The following ZNF683 variants were observed in gnomAD, a reference collection of about 807,000 sequenced individuals.
The protein encoded by ZNF683 is tissue-resident T-cell transcription regulator protein ZNF683.
Under a neutral mutation model 31.4 loss-of-function variants are expected in ZNF683, and 20 were observed. That is an observed-to-expected ratio of 0.64 (90% CI 0.45 to 0.93). The LOEUF (loss-of-function observed/expected upper bound fraction) is 0.93. ZNF683 is among the 40% of genes least tolerant of loss of function. The pLI is 0.00. For synonymous variants in ZNF683, 264 were observed against 267.6 expected (o/e 0.99, Z 0.13); for missense variants, 621 against 637.2 (o/e 0.97, Z 0.27).
intron 3 of ZNF683, among the ~76,000 whole-genome samples, chr1:26,366,583 C>G (rs1350632325): frequency 6.6e-6 from 1 of 152,044 alleles, no homozygotes; most frequent in Non-Finnish European, 1.5e-5. Flanking sequence ...GAAACCAGAC[C>G]TTGGTGTTGT....
Position 26,368,735 on chromosome 1 carries a change from G to T in ZNF683, c.-14-150C>A. On this transcript the variant is annotated intron_variant, in intron 1 of 5. Transcript: ENST00000349618. ...AGTTTCCCTATCCGCAAAATGGGAA[G>T]GTTGGTCTAGTTGATGCGTAAGGAT... 4.7e-6 allele frequency: 4 copies of T among 853,052 alleles called. 1 individual carries two copies. In the South Asian group the frequency reaches 9.3e-5, roughly 20 times the overall value. The allele number at this position is 853,052 out of a possible 1,614,324, so 52.8% of individuals were successfully genotyped here.
intron 1 of ZNF683, among the ~76,000 whole-genome samples, chr1:26,372,166 T>C (rs548497536): frequency 6.6e-5 from 10 of 152,292 alleles, no homozygotes; most frequent in African/African-American, 1.9e-4. Flanking sequence ...TCCCAGAATA[T>C]ACAGGGACAT....
In ZNF683 at chr1:26,367,604, G is replaced by A. The variant is rs939691287; in HGVS notation, c.308C>T (p.Ala103Val). Residue 103 changes from alanine to valine, a missense_variant, in exon 3 of 6, where the codon GCC (alanine) becomes GTC (valine). Coordinates refer to ENST00000349618, the MANE Select transcript of ZNF683 (RefSeq NM_001114759.3). ...GTDLQGLQED[A>V]LSMKHEPPGL... Reference sequence around the variant, plus strand: ...TGCCCTGGGCTTACTCATGCTCAAGGCGTCCTCTTGGAGGCCCTGCAGGTC... The same window carrying A: ...TGCCCTGGGCTTACTCATGCTCAAGACGTCCTCTTGGAGGCCCTGCAGGTC... 1.9e-6 allele frequency: 3 copies of A among 1,604,460 alleles called. No individual in the cohort carries two copies. Among genetic ancestry groups the A allele is most frequent in the African/African-American group, 1.3e-5 (1 of 74,676 alleles).
chr1:26,374,210 T>A (rs1012355515), upstream of ZNF683: 10 of 1,296,894 alleles, frequency 7.7e-6, no homozygotes, highest in East Asian at 5.0e-4. Context: ...GCTGTCTTGC[T>A]GGGAATCACA....
intron 1 of ZNF683, 162 bp downstream of exon 1, chr1:26,372,507 C>A (rs1392469563): frequency 7.7e-7 from 1 of 1,304,702 alleles, no homozygotes; most frequent in Non-Finnish European, 1.0e-6. Flanking sequence ...GATCAGATGT[C>A]CCCACCCAGA....
intron 3 of ZNF683, among the ~76,000 whole-genome samples, chr1:26,366,297 AG>A (rs1422239702): frequency 7.2e-6 from 1 of 137,980 alleles, no homozygotes; most frequent in African/African-American, 2.7e-5. Flanking sequence ...CAGGAGTTGG[AG>A]GCTGCAGTGA....
intron 3 of ZNF683, 111 bp from the exon 4 acceptor site, chr1:26,365,337 C>T (rs1227520634): frequency 2.6e-6 from 3 of 1,150,910 alleles, no homozygotes; most frequent in Non-Finnish European, 2.4e-6. Context: ...TGCGAGCCTG[C>T]TAGCATTTCT....
intron 4 of ZNF683, among the ~76,000 whole-genome samples, chr1:26,363,738 A>G (rs7544526): frequency 0.064 from 57 of 892 alleles, 4 homozygotes; most frequent in East Asian, 0.19. Flanking sequence ...CTCCATATGG[A>G]AAAAAAAAAA....
At position 26,365,174 on chromosome 1, in the gene ZNF683, T is replaced by A. The variant is rs149941490; in HGVS notation, c.372A>T (p.Thr124=). 66 of 1,610,378 alleles carry A rather than the reference T, an allele frequency of 4.1e-5. No homozygotes were observed. In the African/African-American group the frequency reaches 7.9e-4, roughly 19 times the overall value. The change falls in exon 4 of 6, where the codon ACA becomes ACT. Residue 124 remains threonine, a synonymous_variant. Coordinates refer to ENST00000349618, the MANE Select transcript of ZNF683 (RefSeq NM_001114759.3). ...QASSTDDKKF[T]VKYPQNKDKL... ...TGTCCTTGTTCTGTGGGTACTTGACTGTGAATTTCTTGTCATCGGTGGAGC... is the reference window on the plus strand; with the variant it reads ...TGTCCTTGTTCTGTGGGTACTTGACAGTGAATTTCTTGTCATCGGTGGAGC...
chr1:26,367,074 G>C (rs1221022415), intron 3 of ZNF683, among the ~76,000 whole-genome samples: 1 of 152,154 alleles, frequency 6.6e-6, no homozygotes. Flanking sequence ...AGACCAGCCT[G>C]GCCAACATGG....
At position 26,367,857 on chromosome 1, in the gene ZNF683, A is replaced by G. The variant is rs2074568255; in HGVS notation, c.115-60T>C. On this transcript the variant is annotated intron_variant, in intron 2 of 5. Transcript: ENST00000349618. ...GACTGGGACTCCATGGGTCCCTTAGATGGCCCCTACCCCTATTTTGTTTTC... is the reference window on the plus strand; with the variant it reads ...GACTGGGACTCCATGGGTCCCTTAGGTGGCCCCTACCCCTATTTTGTTTTC... 3.7e-6 allele frequency: 5 copies of G among 1,360,250 alleles called. No individual in the cohort carries two copies. In the Admixed American group the frequency reaches 8.0e-5, roughly 22 times the overall value. The allele number at this position is 1,360,250 out of a possible 1,614,324, so 84.3% of individuals were successfully genotyped here. A position where few individuals can be genotyped will look rare whatever the true frequency, so the allele number is the denominator to read the frequency against.
At chr1:26,372,429 GA>G (rs2074690413) in intron 1 of ZNF683, 1 of 1,271,100 alleles carries the variant, frequency 7.9e-7, no homozygotes. Context: ...TATAAAAGCC[GA>G]AATGGCCAAA....
In ZNF683 at chr1:26,365,175, G is replaced by A. The variant is rs1439526124; in HGVS notation, c.371C>T (p.Thr124Ile). Residue 124 changes from threonine to isoleucine, a missense_variant, in exon 4 of 6, where the codon ACA (threonine) becomes ATA (isoleucine). Physicochemically the swap from Thr to Ile is moderately conservative, Grantham distance 89. Transcript: ENST00000349618. ...GTCCTTGTTCTGTGGGTACTTGACT[G>A]TGAATTTCTTGTCATCGGTGGAGCT... ...QASSTDDKKF[T>I]VKYPQNKDKL... The A allele has an allele frequency of 8.1e-6, 13 of 1,610,480 alleles. No individual in the cohort carries two copies. Among genetic ancestry groups the A allele is most frequent in the East Asian group, 4.5e-5 (2 of 44,816 alleles).
upstream of ZNF683, among the ~76,000 whole-genome samples, chr1:26,374,068 C>T (rs2074716834): frequency 6.6e-6 from 1 of 151,816 alleles, no homozygotes; most frequent in Non-Finnish European, 1.5e-5. Context: ...ATGCTGTTCC[C>T]AGTCCTTCCC....
At chr1:26,371,602 TA>T (rs111632057) in intron 1 of ZNF683, among the ~76,000 whole-genome samples, 5,917 of 113,892 alleles carry the variant, frequency 0.052, 295 homozygotes, top group African/African-American at 0.15. Flanking sequence ...CCTGTCTCTT[TA>T]AAAAAAAAAA....
rs545133649 is a variant in ZNF683, at chr1:26,365,303, C to T, written c.320-77G>A. 6.4e-5 allele frequency: 91 copies of T among 1,429,548 alleles called. No homozygotes were observed. The African/African-American group carries it at 8.3e-4, about 13-fold the overall frequency. 88.6% of individuals were successfully genotyped at this position (1,429,548 alleles called of 1,614,324 possible). On this transcript the variant is annotated intron_variant, in intron 3 of 5. Coordinates refer to ENST00000349618, the MANE Select transcript of ZNF683 (RefSeq NM_001114759.3). The stretch of plus-strand genomic sequence containing the variant: ...TGTCCGCCATCAAACCTGCCCTGCT[C>T]GGGGCTGAGAAAGACCTCCAGCCTG...
Position 26,367,772 on chromosome 1 carries a change from G to C in ZNF683, c.140C>G (p.Pro47Arg), listed in dbSNP as rs750143219. Residue 47 changes from proline (P) to arginine (R), a missense_variant, in exon 3 of 6, where the codon CCA becomes CGA. Transcript: ENST00000349618. ...TGGGCCATGAGCATCCACCATGTCT[G>C]GAAGTGGTCTGCAGGCTGAGAAGAC... The part of the protein sequence containing the change: ...DQVFSACRPL[P>R]DMVDAHGPSC... The C allele has an allele frequency of 6.2e-7, 1 of 1,601,474 alleles. No individual in the cohort carries two copies. The highest frequency in any genetic ancestry group is 8.5e-7 in the Non-Finnish European group (1 of 1,172,758).
chr1:26,368,474 A>G lies in ZNF683; in HGVS notation c.98T>C (p.Leu33Pro), dbSNP rs1240489160. 1 of 1,596,032 alleles carries G rather than the reference A, an allele frequency of 6.3e-7. No homozygotes were observed. The highest frequency in any genetic ancestry group is 1.1e-5 in the South Asian group (1 of 88,026). ...CTACCTTACCTGGTCACCTCGGAAG[A>G]GCTGGAAGTCCAGGCTGGGGGACAG... ...GSLSPSLDFQ[L>P]FRGDQVFSAC... The change falls in exon 2 of 6, where the codon CTC (leucine) becomes CCC (proline). Residue 33 changes from leucine (L) to proline (P), a missense_variant. Leu to Pro is a moderately conservative substitution (Grantham distance 98). Coordinates refer to ENST00000349618, the MANE Select transcript of ZNF683 (RefSeq NM_001114759.3).
Position 26,364,472 on chromosome 1 carries a change from G to A in ZNF683, c.1014+60C>T, listed in dbSNP as rs938872666. On this transcript the variant is annotated intron_variant, in intron 4 of 5. Coordinates refer to ENST00000349618, the MANE Select transcript of ZNF683 (RefSeq NM_001114759.3). ...GGTCCTTGCTTCTAGAAGCAGACTCGGGTGCATGGGGGGCCCTGAAGGATG... is the reference window on the plus strand; with the variant it reads ...GGTCCTTGCTTCTAGAAGCAGACTCAGGTGCATGGGGGGCCCTGAAGGATG... 1.3e-5 allele frequency: 21 copies of A among 1,585,708 alleles called. No individual in the cohort carries two copies. The Middle Eastern group carries it at 1.0e-3, about 76-fold the overall frequency.
Sources: gnomAD v4.1 joint callset for allele counts (sites outside exome capture counted in the v4.1 genomes callset) on GRCh38, gnomAD v4.1.1 for gene constraint, MANE v1.5 for transcripts, NCBI Gene and HGNC (gene_info 2026-07-23, HGNC 2026-07-21) for gene names.